Variants in RBFOX1 observed in about 807,000 individuals in gnomAD.
The protein encoded by RBFOX1 is RNA binding fox-1 homolog 1.
RBFOX1 carries 8 observed loss-of-function variants against 57.7 expected under a neutral mutation model. That is an observed-to-expected ratio of 0.14 (90% CI 0.08 to 0.25). The LOEUF (loss-of-function observed/expected upper bound fraction) is 0.25, where lower values mean the gene tolerates loss of function less well. RBFOX1 is among the 10% of genes least tolerant of loss of function. The pLI, the probability that RBFOX1 is intolerant of heterozygous loss-of-function variation, is 1.00. For missense variants in RBFOX1, 611 were observed against 548.5 expected, an observed-to-expected ratio of 1.11 and a Z score of -1.14; for synonymous variants, 326 against 222.4, an observed-to-expected ratio of 1.47 and a Z score of -4.15.
chr16:6,491,358 G>C (rs560829117), intron 2 of RBFOX1, among the ~76,000 whole-genome samples: 2 of 152,120 alleles, frequency 1.3e-5, no homozygotes, highest in African/African-American at 2.4e-5. Flanking sequence ...AAGATAACTA[G>C]TGATAAACCT....
At chr16:6,324,769 C>T (rs921034521) in intron 2 of RBFOX1, among the ~76,000 whole-genome samples, 16 of 152,004 alleles carry the variant, frequency 1.1e-4, no homozygotes, top group Non-Finnish European at 2.2e-4. Flanking sequence ...CATCTAACTT[C>T]GAATTTAGAA....
chr16:7,512,694 C>T (rs2075418682), intron 4 of RBFOX1, among the ~76,000 whole-genome samples: 1 of 152,222 alleles, frequency 6.6e-6, no homozygotes, highest in South Asian at 2.1e-4. Context: ...AGGTGGGTGG[C>T]TTGCTTTGGC....
intron 3 of RBFOX1, among the ~76,000 whole-genome samples, chr16:6,967,064 T>C (rs1332035694): frequency 6.6e-6 from 1 of 152,208 alleles, no homozygotes; most frequent in Non-Finnish European, 1.5e-5. Context: ...TCTATCCATA[T>C]ATCTATACAT....
chr16:6,453,436 A>G (rs1408124715), intron 2 of RBFOX1, among the ~76,000 whole-genome samples: 1 of 152,188 alleles, frequency 6.6e-6, no homozygotes, highest in South Asian at 2.1e-4. Flanking sequence ...TCTACAAGAA[A>G]TGGATAAATT....
chr16:5,992,659 C>A (rs78009083), intron 4 of RBFOX1, among the ~76,000 whole-genome samples: 17 of 152,212 alleles, frequency 1.1e-4, no homozygotes, highest in African/African-American at 4.1e-4. Flanking sequence ...TGTGGTCAGG[C>A]GTGGTGGCTC....
intron 4 of RBFOX1, among the ~76,000 whole-genome samples, chr16:7,374,507 G>A (rs2097647522): frequency 6.6e-6 from 1 of 152,126 alleles, no homozygotes; most frequent in Non-Finnish European, 1.5e-5. Context: ...AAGCCAATAT[G>A]TATATTAATG....
chr16:5,760,173 G>A (rs1043213536), intron 3 of RBFOX1, among the ~76,000 whole-genome samples: 2 of 152,076 alleles, frequency 1.3e-5, no homozygotes, highest in East Asian at 3.9e-4. Flanking sequence ...GATTTGCCCG[G>A]AATGTTCCCA....
chr16:5,924,507 C>A (rs751451175), intron 4 of RBFOX1, among the ~76,000 whole-genome samples: 2 of 152,082 alleles, frequency 1.3e-5, no homozygotes, highest in Non-Finnish European at 2.9e-5. Context: ...GAGCCTGGCA[C>A]CTTCTCCCTC....
intron 1 of RBFOX1, among the ~76,000 whole-genome samples, chr16:6,022,102 A>G (rs2095092455): frequency 6.6e-6 from 1 of 152,036 alleles, no homozygotes; most frequent in African/African-American, 2.4e-5. Context: ...CTGCCCACCC[A>G]CTGGCCAAGA....
intron 4 of RBFOX1, among the ~76,000 whole-genome samples, chr16:7,118,149 C>CTGCATACTGT (rs2066322090): frequency 6.6e-6 from 1 of 152,090 alleles, no homozygotes; most frequent in Admixed American, 6.6e-5. Flanking sequence ...TTTGAGAAAT[C>CTGCATACTGT]TGCATACTGT....
At chr16:5,795,538 G>A (rs1469968830) in intron 3 of RBFOX1, among the ~76,000 whole-genome samples, 6 of 152,086 alleles carry the variant, frequency 3.9e-5, no homozygotes, top group African/African-American at 1.4e-4. Flanking sequence ...CAATCCTCCT[G>A]CCTTGGCCTC....
At chr16:7,521,979 T>C (rs1467510052) in intron 5 of RBFOX1, among the ~76,000 whole-genome samples, 2 of 152,176 alleles carry the variant, frequency 1.3e-5, no homozygotes, top group East Asian at 1.9e-4. Flanking sequence ...TGAAAAGCTC[T>C]TGGATTCATC....
At chr16:5,559,181 A>AAG (rs1296291677) in intron 2 of RBFOX1, among the ~76,000 whole-genome samples, 4 of 151,616 alleles carry the variant, frequency 2.6e-5, no homozygotes, top group Non-Finnish European at 5.9e-5. Flanking sequence ...AAAAAAAAAA[A>AAG]AAAAAAAAAG....
At chr16:5,771,043 G>A (rs1396541734) in intron 3 of RBFOX1, among the ~76,000 whole-genome samples, 22 of 152,152 alleles carry the variant, frequency 1.4e-4, no homozygotes, top group East Asian at 1.9e-4. Context: ...TGGAGGAGAC[G>A]CAAAACCTGA....
chr16:5,892,775 T>C (rs933461601), intron 4 of RBFOX1, among the ~76,000 whole-genome samples: 3 of 152,116 alleles, frequency 2.0e-5, no homozygotes, highest in Admixed American at 2.0e-4. Flanking sequence ...AGGAACAGCA[T>C]GTGCAAAGGC....
chr16:6,029,413 A>G (rs1046958265), intron 1 of RBFOX1, among the ~76,000 whole-genome samples: 4 of 152,228 alleles, frequency 2.6e-5, no homozygotes, highest in African/African-American at 9.6e-5. Flanking sequence ...TTGACATTAT[A>G]TATGCACACT....
chr16:7,580,980 A>G (rs1239382297), intron 6 of RBFOX1, among the ~76,000 whole-genome samples: 3 of 152,058 alleles, frequency 2.0e-5, no homozygotes, highest in Admixed American at 6.5e-5. Context: ...CCCAACTTGA[A>G]TGCCTCATTC....
intron 2 of RBFOX1, among the ~76,000 whole-genome samples, chr16:6,620,578 C>T (rs2098214758): frequency 1.3e-5 from 2 of 151,598 alleles, no homozygotes; most frequent in South Asian, 4.2e-4. Flanking sequence ...TAAACAACAA[C>T]AATAACAACA....
chr16:6,983,225 A>G (rs1041694732), intron 3 of RBFOX1, among the ~76,000 whole-genome samples: 11 of 151,914 alleles, frequency 7.2e-5, no homozygotes, highest in African/African-American at 2.7e-4. Context: ...CACCCGCTTT[A>G]TCCTCTTGGT....
Sources: gnomAD v4.1 joint callset for allele counts (sites outside exome capture counted in the v4.1 genomes callset) on GRCh38, gnomAD v4.1.1 for gene constraint, MANE v1.5 for transcripts, NCBI Gene and HGNC (gene_info 2026-07-23, HGNC 2026-07-21) for gene names.